Variants in DIAPH3 observed in about 807,000 individuals in gnomAD.
DIAPH3 encodes the protein diaphanous related formin 3, also known as protein diaphanous homolog 3.
In DIAPH3, 117 loss-of-function variants were observed where a neutral mutation model predicts 144.3. The observed-to-expected ratio is 0.81, with a 90% CI of 0.70 to 0.95. DIAPH3 has a LOEUF of 0.95. DIAPH3 is among the 40% of genes least tolerant of loss of function. DIAPH3 has a pLI of 0.00. For missense variants in DIAPH3, 1,421 were observed against 1,412.7 expected, an observed-to-expected ratio of 1.01 and a Z score of -0.09; for synonymous variants, 519 against 488.9, an observed-to-expected ratio of 1.06 and a Z score of -0.81.
intron 27 of DIAPH3, among the ~76,000 whole-genome samples, chr13:59,674,629 G>C (rs2032542978): frequency 6.6e-6 from 1 of 152,102 alleles, no homozygotes; most frequent in Non-Finnish European, 1.5e-5. Context: ...CTAGGAAGAA[G>C]ACTCAAATCT....
At chr13:59,840,688 A>G (rs2042291564) in intron 22 of DIAPH3, among the ~76,000 whole-genome samples, 1 of 152,150 alleles carries the variant, frequency 6.6e-6, no homozygotes, top group African/African-American at 2.4e-5. Flanking sequence ...TAAGGAGTCC[A>G]ATGATTGAAC....
At chr13:59,788,427 C>T (rs1007070122) in intron 25 of DIAPH3, among the ~76,000 whole-genome samples, 3 of 152,074 alleles carry the variant, frequency 2.0e-5, no homozygotes, top group African/African-American at 7.2e-5. Context: ...TCAGACTAGC[C>T]TGGGCAACAC....
At chr13:59,671,156 C>T (rs1379484937) in intron 27 of DIAPH3, among the ~76,000 whole-genome samples, 1 of 152,164 alleles carries the variant, frequency 6.6e-6, no homozygotes, top group East Asian at 1.9e-4. Context: ...AAATGGTTGA[C>T]TTTCAAACAA....
At chr13:60,098,212 G>A (rs1323296674) in intron 3 of DIAPH3, among the ~76,000 whole-genome samples, 1 of 152,110 alleles carries the variant, frequency 6.6e-6, no homozygotes, top group Non-Finnish European at 1.5e-5. Flanking sequence ...TTCAGGTGCA[G>A]GTGGGGCTGC....
At chr13:59,731,569 T>C (rs1435961572) in intron 27 of DIAPH3, among the ~76,000 whole-genome samples, 1 of 152,176 alleles carries the variant, frequency 6.6e-6, no homozygotes, top group Non-Finnish European at 1.5e-5. Flanking sequence ...GTATGACATT[T>C]TGACCTGTAA....
In DIAPH3 at chr13:59,719,643, T is replaced by C. The variant is rs116052614; in HGVS notation, c.3320-52797A>G. The stretch of plus-strand genomic sequence containing the variant: ...ACCCTGCAACCTGAATTTGTGTCTA[T>C]ACCTCTCCTTCTTGGTGTTGGAGAA... On this transcript the variant is annotated intron_variant, in intron 27 of 27. Transcript: ENST00000400324. 5.0e-3 allele frequency among the ~76,000 whole-genome samples: 764 copies of C among 152,210 alleles called. 6 individuals are homozygous for C. Among genetic ancestry groups the C allele is most frequent in the African/African-American group, 0.017 (725 of 41,554 alleles).
chr13:60,158,426 A>C (rs944818470), intron 1 of DIAPH3, among the ~76,000 whole-genome samples: 2 of 152,232 alleles, frequency 1.3e-5, no homozygotes, highest in Non-Finnish European at 2.9e-5. Context: ...GCTGGTATAC[A>C]TTAATGAGTT....
At chr13:60,080,942 A>G (rs1400318098) in intron 4 of DIAPH3, among the ~76,000 whole-genome samples, 1 of 152,000 alleles carries the variant, frequency 6.6e-6, no homozygotes, top group Non-Finnish European at 1.5e-5. Flanking sequence ...GTACATCACT[A>G]TGCTTTTTTA....
chr13:59,735,059 G>A (rs1216385142), intron 27 of DIAPH3, among the ~76,000 whole-genome samples: 2 of 152,042 alleles, frequency 1.3e-5, no homozygotes, highest in African/African-American at 2.4e-5. Context: ...ATGATGTCAT[G>A]TTTTAAATAG....
At chr13:59,899,496 C>T (rs754149409) in intron 20 of DIAPH3, among the ~76,000 whole-genome samples, 13 of 152,170 alleles carry the variant, frequency 8.5e-5, no homozygotes, top group Non-Finnish European at 1.6e-4. Flanking sequence ...AAGAATGTGA[C>T]TGGCATGTTT....
intron 27 of DIAPH3, among the ~76,000 whole-genome samples, chr13:59,714,996 A>T (rs978830316): frequency 8.5e-5 from 13 of 152,212 alleles, no homozygotes; most frequent in Non-Finnish European, 2.9e-5. Context: ...GAAAAGGGGC[A>T]GTACTGACGT....
intron 23 of DIAPH3, among the ~76,000 whole-genome samples, chr13:59,833,979 G>A (rs1223059363): frequency 1.3e-5 from 2 of 151,622 alleles, no homozygotes; most frequent in Non-Finnish European, 3.0e-5. Flanking sequence ...CCAAATTAGT[G>A]TTCCAACTTC....
At chr13:59,734,520 T>C (rs907956448) in intron 27 of DIAPH3, among the ~76,000 whole-genome samples, 3 of 152,234 alleles carry the variant, frequency 2.0e-5, no homozygotes, top group Admixed American at 1.3e-4. Flanking sequence ...TTCCTCTTCA[T>C]GTCAATGTCA....
At chr13:60,035,463 G>A (rs188334641) in intron 5 of DIAPH3, among the ~76,000 whole-genome samples, 1 of 152,186 alleles carries the variant, frequency 6.6e-6, no homozygotes, top group Non-Finnish European at 1.5e-5. Context: ...GACTGTGAAA[G>A]CATGAGAAAG....
At chr13:59,810,225 TC>T (rs1197205276) in intron 25 of DIAPH3, among the ~76,000 whole-genome samples, 1 of 152,144 alleles carries the variant, frequency 6.6e-6, no homozygotes, top group Non-Finnish European at 1.5e-5. Context: ...AGTGTCAAGA[TC>T]AAGGCATACT....
At chr13:59,718,252 C>T (rs2035160209) in intron 27 of DIAPH3, among the ~76,000 whole-genome samples, 1 of 152,152 alleles carries the variant, frequency 6.6e-6, no homozygotes, top group Non-Finnish European at 1.5e-5. Context: ...TATCACAGAA[C>T]ATAAACCACC....
chr13:59,709,795 T>C lies in DIAPH3; in HGVS notation c.3320-42949A>G, dbSNP rs892097928. Among the ~76,000 whole-genome samples the C allele has an allele frequency of 4.4e-3, 666 of 152,184 alleles. 1 individual carries two copies. Among genetic ancestry groups the C allele is most frequent in the African/African-American group, 0.015 (613 of 41,470 alleles). On this transcript the variant is annotated intron_variant, in intron 27 of 27. Coordinates refer to ENST00000400324, the MANE Select transcript of DIAPH3 (RefSeq NM_001042517.2). ...ATGCTGCTATAAAGACACATGCACG[T>C]GTATGTTTACTGTGGCATTATTCAC...
intron 20 of DIAPH3, among the ~76,000 whole-genome samples, chr13:59,895,151 A>T (rs1467508391): frequency 6.6e-6 from 1 of 152,168 alleles, no homozygotes; most frequent in East Asian, 1.9e-4. Flanking sequence ...AAAAAAAGGA[A>T]TTTCCTAACA....
chr13:59,819,586 C>T (rs112695616), intron 24 of DIAPH3, among the ~76,000 whole-genome samples: 3 of 151,710 alleles, frequency 2.0e-5, no homozygotes, highest in African/African-American at 7.2e-5. Flanking sequence ...TCGGGGGATA[C>T]TTTATACATG....
Sources: allele counts gnomAD v4.1 joint callset (sites outside exome capture counted in the v4.1 genomes callset), GRCh38; gene constraint gnomAD v4.1.1; transcripts MANE v1.5; gene names NCBI Gene and HGNC (gene_info 2026-07-23, HGNC 2026-07-21).